NAALADL2: variants seen among roughly 807,000 people sequenced by gnomAD.
NAALADL2 encodes N-acetylated alpha-linked acidic dipeptidase like 2, also known as inactive N-acetylated-alpha-linked acidic dipeptidase-like protein 2.
A neutral mutation model predicts 87.2 loss-of-function variants in NAALADL2; 76 were observed. That is an observed-to-expected ratio of 0.87 (90% confidence interval 0.72 to 1.05). The LOEUF is 1.05. Among genes scored for constraint, NAALADL2 ranks in the 50% least tolerant of loss-of-function variants. The pLI is 0.00. For missense variants in NAALADL2, 1,089 were observed against 945.8 expected, an observed-to-expected ratio of 1.15 and a Z score of -1.99; for synonymous variants, 354 against 331.0, an observed-to-expected ratio of 1.07 and a Z score of -0.75.
At chr3:175,249,195 A>G (rs903543292) in intron 3 of NAALADL2, among the ~76,000 whole-genome samples, 6 of 152,130 alleles carry the variant, frequency 3.9e-5, no homozygotes, top group Non-Finnish European at 5.9e-5. Context: ...TAAGGTAGAC[A>G]CTTTTTGTTT....
At chr3:175,209,320 T>G (rs1741425569) in intron 2 of NAALADL2, among the ~76,000 whole-genome samples, 1 of 152,110 alleles carries the variant, frequency 6.6e-6, no homozygotes, top group Non-Finnish European at 1.5e-5. Context: ...CTGGAAGTGA[T>G]GCTATATTCC....
chr3:175,363,456 A>G (rs1024029868), intron 5 of NAALADL2, among the ~76,000 whole-genome samples: 1 of 147,426 alleles, frequency 6.8e-6, no homozygotes, highest in Non-Finnish European at 1.5e-5. Context: ...CATGGGGAAG[A>G]GATGCTTGTC....
intron 5 of NAALADL2, among the ~76,000 whole-genome samples, chr3:175,428,783 T>C (rs1717248928): frequency 6.6e-6 from 1 of 152,078 alleles, no homozygotes; most frequent in Non-Finnish European, 1.5e-5. Context: ...CTCTGATATA[T>C]CATAAACAAG....
chr3:175,067,122 A>G (rs116349386), intron 1 of NAALADL2, among the ~76,000 whole-genome samples: 2,026 of 152,186 alleles, frequency 0.013, 53 homozygotes, highest in African/African-American at 0.047. Context: ...TAAATGTAAG[A>G]CCTCAAACTG....
intron 1 of NAALADL2, among the ~76,000 whole-genome samples, chr3:174,493,366 A>T (rs905795204): frequency 1.6e-4 from 24 of 152,244 alleles, no homozygotes; most frequent in Non-Finnish European, 2.9e-5. Flanking sequence ...CAGGAAGAAG[A>T]CAGCCATCTA....
chr3:175,455,145 A>G (rs1348148431), intron 6 of NAALADL2, among the ~76,000 whole-genome samples: 3 of 152,076 alleles, frequency 2.0e-5, no homozygotes, highest in African/African-American at 7.2e-5. Context: ...CATAAAGTGG[A>G]CAGCCAGGGA....
chr3:174,729,720 CTTAA>C (rs1340945147), intron 2 of NAALADL2, among the ~76,000 whole-genome samples: 2 of 151,810 alleles, frequency 1.3e-5, no homozygotes, highest in African/African-American at 2.4e-5. Flanking sequence ...GGACTTACCT[CTTAA>C]TTATTTTATC....
intron 1 of NAALADL2, among the ~76,000 whole-genome samples, chr3:175,095,745 G>A (rs969102108): frequency 1.3e-5 from 2 of 152,012 alleles, no homozygotes; most frequent in African/African-American, 4.8e-5. Context: ...GTTGAGCTGT[G>A]TTCTTTGCCC....
At chr3:175,580,355 A>C (rs1455672497) in intron 10 of NAALADL2, among the ~76,000 whole-genome samples, 1 of 152,206 alleles carries the variant, frequency 6.6e-6, no homozygotes, top group Admixed American at 6.5e-5. Context: ...ACACATATAC[A>C]GATGTTGGAA....
At chr3:175,020,908 A>G (rs1193925429) in intron 1 of NAALADL2, among the ~76,000 whole-genome samples, 1 of 151,988 alleles carries the variant, frequency 6.6e-6, no homozygotes, top group Non-Finnish European at 1.5e-5. Context: ...AGATATTAGC[A>G]TCTCTGGGAA....
At chr3:175,693,091 C>A (rs898784252) in intron 11 of NAALADL2, among the ~76,000 whole-genome samples, 5 of 152,152 alleles carry the variant, frequency 3.3e-5, no homozygotes, top group Non-Finnish European at 7.4e-5. Context: ...GAAGCATGGT[C>A]TTCTAGATTT....
At chr3:175,258,036 C>A (rs558725876) in intron 4 of NAALADL2, among the ~76,000 whole-genome samples, 1 of 152,196 alleles carries the variant, frequency 6.6e-6, no homozygotes, top group African/African-American at 2.4e-5. Flanking sequence ...GGGCCAGGCG[C>A]GGTGTCTCAC....
At chr3:174,549,216 T>C (rs751794416) in intron 1 of NAALADL2, among the ~76,000 whole-genome samples, 1 of 152,256 alleles carries the variant, frequency 6.6e-6, no homozygotes. Flanking sequence ...TTTTCTGACA[T>C]GTTTTTAAAA....
rs117567981 is a variant in NAALADL2, at chr3:175,317,584, T to C, written c.940-6591T>C. ...GTCCTACTTCTCTCCATATCCCAATTCCAGTGTTTTACTTTCAAAAAAGTG... is the reference window on the plus strand; with the variant it reads ...GTCCTACTTCTCTCCATATCCCAATCCCAGTGTTTTACTTTCAAAAAAGTG... On this transcript the variant is annotated intron_variant, in intron 4 of 13. Coordinates refer to ENST00000454872, the MANE Select transcript of NAALADL2 (RefSeq NM_207015.3). Among the ~76,000 whole-genome samples the C allele has an allele frequency of 7.7e-4, 117 of 152,060 alleles. 2 individuals are homozygous for C. The East Asian group carries it at 0.022, about 29-fold the overall frequency.
chr3:175,071,022 A>G (rs9880874), intron 1 of NAALADL2, among the ~76,000 whole-genome samples: 54,844 of 151,830 alleles, frequency 0.36, 12,544 homozygotes, highest in African/African-American at 0.65. Context: ...GTCTAAGAAC[A>G]GTGACCTTCC....
At chr3:175,485,171 C>T (rs1465117471) in intron 9 of NAALADL2, among the ~76,000 whole-genome samples, 1 of 152,040 alleles carries the variant, frequency 6.6e-6, no homozygotes, top group African/African-American at 2.4e-5. Flanking sequence ...CATGTTGTTG[C>T]TATGTACTGA....
At chr3:174,833,172 T>C (rs1242285498) in intron 3 of NAALADL2, among the ~76,000 whole-genome samples, 7 of 152,306 alleles carry the variant, frequency 4.6e-5, no homozygotes, top group African/African-American at 1.7e-4. Flanking sequence ...GTATGTACTT[T>C]TAAATGATCA....
chr3:175,352,750 A>G (rs1453505886), intron 5 of NAALADL2, among the ~76,000 whole-genome samples: 1 of 152,218 alleles, frequency 6.6e-6, no homozygotes, highest in African/African-American at 2.4e-5. Context: ...GCACAATGAC[A>G]TAATAGATTT....
intron 1 of NAALADL2, among the ~76,000 whole-genome samples, chr3:174,897,242 G>A (rs1214504325): frequency 6.6e-6 from 1 of 151,930 alleles, no homozygotes; most frequent in African/African-American, 2.4e-5. Context: ...CCATAGAATG[G>A]GAGAATATAT....
Sources: gnomAD v4.1 joint callset for allele counts (sites outside exome capture counted in the v4.1 genomes callset) on GRCh38, gnomAD v4.1.1 for gene constraint, MANE v1.5 for transcripts, NCBI Gene and HGNC (gene_info 2026-07-23, HGNC 2026-07-21) for gene names.